WDR62: variants seen among roughly 807,000 people sequenced by gnomAD.
WDR62 encodes the protein WD repeat-containing protein 62.
Under a neutral mutation model 160.6 loss-of-function variants are expected in WDR62, and 112 were observed. The ratio of observed to expected loss-of-function variants is 0.70; its 90% confidence interval spans 0.60 to 0.82. WDR62 has a LOEUF of 0.82. WDR62 is among the 40% of genes least tolerant of loss of function. The pLI is 0.00. For missense variants in WDR62, 1,819 were observed against 1,983.8 expected (o/e 0.92, Z 1.58); for synonymous variants, 792 against 815.1 (o/e 0.97, Z 0.48).
intron 26 of WDR62, 137 bp downstream of exon 26, chr19:36,102,288 GTC>G: frequency 7.8e-7 from 1 of 1,289,402 alleles, no homozygotes; most frequent in Non-Finnish European, 1.1e-6. Context: ...TTGAGACGGA[GTC>G]TCGCTCTGTT....
chr19:36,108,853 CAAAAAAA>C (rs780896466), downstream of WDR62, among the ~76,000 whole-genome samples: 2 of 50,802 alleles, frequency 3.9e-5, no homozygotes. Context: ...GGCCCTGTCT[CAAAAAAA>C]AAAAAAAAAA....
At chr19:36,095,610 A>G (rs1246583876) in intron 20 of WDR62, among the ~76,000 whole-genome samples, 1 of 152,248 alleles carries the variant, frequency 6.6e-6, no homozygotes, top group African/African-American at 2.4e-5. Flanking sequence ...CCTGGCCAAC[A>G]TGGTGAAACC....
At position 36,103,023 on chromosome 19, in the gene WDR62, C is replaced by A. The variant is rs765013257; in HGVS notation, c.3411C>A (p.Gly1137=). 6.2e-7 allele frequency: 1 copy of A among 1,614,026 alleles called. No homozygotes were observed. Among genetic ancestry groups the A allele is most frequent in the Non-Finnish European group, 8.5e-7 (1 of 1,180,044 alleles). ...KSPEVKLMDR[G]GSQPRAGTGY... is the part of the protein sequence containing the mutation. ...CAGAGGTCAAGCTCATGGACCGAGGCGGAAGCCAGCCCAGAGCAGGTACTG... is the reference window on the plus strand; with the variant it reads ...CAGAGGTCAAGCTCATGGACCGAGGAGGAAGCCAGCCCAGAGCAGGTACTG... The change falls in exon 28 of 32, where the codon GGC becomes GGA. Residue 1137 remains glycine, a synonymous_variant. Transcript: ENST00000401500.
At chr19:36,061,643 C>G (rs1767059553) in intron 3 of WDR62, 1 of 152,112 alleles carries the variant, frequency 6.6e-6, no homozygotes, top group Admixed American at 6.5e-5. Context: ...AGTGGGTGGC[C>G]TGGATCTATA....
At chr19:36,055,187 T>G in intron 1 of WDR62, 39 bp downstream of exon 1, 1 of 1,573,532 alleles carries the variant, frequency 6.4e-7, no homozygotes, top group South Asian at 1.2e-5. Flanking sequence ...AGTTCCAGGC[T>G]TCCTAGGTTT....
intron 14 of WDR62, 23 bp from the exon 15 acceptor site, chr19:36,089,162 G>A (rs1367197776): frequency 1.9e-6 from 3 of 1,613,260 alleles, no homozygotes; most frequent in Non-Finnish European, 2.5e-6. Context: ...GGCATTCTCT[G>A]AAGGTCCTGC....
At chr19:36,081,987 G>T (rs1011154664) in intron 10 of WDR62, 17 of 374,536 alleles carry the variant, frequency 4.5e-5, no homozygotes, top group African/African-American at 3.6e-4. Flanking sequence ...CATGATGGGA[G>T]GCTGGGAAGA....
chr19:36,099,616 A>G lies in WDR62; in HGVS notation c.2738A>G (p.Glu913Gly). The G allele has an allele frequency of 6.2e-7, 1 of 1,614,018 alleles. No homozygotes were observed. The highest frequency in any genetic ancestry group is 1.1e-5 in the South Asian group (1 of 91,092). The stretch of plus-strand genomic sequence containing the variant: ...CAGAGCCTGGCCAGCCTGCTGAGTG[A>G]GGTACACACTTCCACCGCAGCCTGG... Reference protein sequence around the residue: ...EPQSLASLLSESESPQEAGRG... With the variant: ...EPQSLASLLSGSESPQEAGRG... Residue 913 changes from glutamate to glycine, a missense_variant and splice_region_variant, in exon 22 of 32, where the codon GAG becomes GGG. Glu to Gly is a moderately conservative substitution (Grantham distance 98). Coordinates refer to ENST00000401500, the MANE Select transcript of WDR62 (RefSeq NM_001083961.2).
intron 7 of WDR62, among the ~76,000 whole-genome samples, chr19:36,069,363 C>A (rs956545907): frequency 2.6e-5 from 4 of 151,910 alleles, no homozygotes; most frequent in African/African-American, 9.7e-5. Flanking sequence ...GGGTCGCGGC[C>A]GGGTAGAGGC....
chr19:36,091,415 C>G lies in WDR62; in HGVS notation c.2160C>G (p.Ser720Arg). 2 of 1,614,036 alleles carry G rather than the reference C, an allele frequency of 1.2e-6. No homozygotes were observed. The highest frequency in any genetic ancestry group is 1.7e-6 in the Non-Finnish European group (2 of 1,179,984). The change falls in exon 18 of 32, where the codon AGC becomes AGG. Residue 720 changes from serine to arginine, a missense_variant. Physicochemically the swap from Ser to Arg is moderately radical, Grantham distance 110. Coordinates refer to ENST00000401500, the MANE Select transcript of WDR62 (RefSeq NM_001083961.2). ...CTTTGTTTGCAGAAATTATTACCAG[C>G]ATGAAGTTCACCTATGACTGTCATC... Reference protein sequence around the residue: ...KMFGHSEIITSMKFTYDCHHL... With the variant: ...KMFGHSEIITRMKFTYDCHHL...
At chr19:36,092,611 G>A in intron 18 of WDR62, 78 bp from the exon 19 acceptor site, 2 of 1,596,356 alleles carry the variant, frequency 1.3e-6, no homozygotes, top group Non-Finnish European at 1.7e-6. Flanking sequence ...TGGTGTGGGT[G>A]GCTTCAGGGT....
At chr19:36,078,815 G>A (rs1320963492) in intron 9 of WDR62, among the ~76,000 whole-genome samples, 3 of 140,304 alleles carry the variant, frequency 2.1e-5, no homozygotes, top group Non-Finnish European at 3.0e-5. Context: ...CAGCCTGGGC[G>A]ACAGGGCGAG....
chr19:36,096,222 C>T (rs569780072), intron 20 of WDR62, among the ~76,000 whole-genome samples: 15 of 152,256 alleles, frequency 9.9e-5, no homozygotes, highest in Non-Finnish European at 1.8e-4. Flanking sequence ...TGTGGAGTAG[C>T]TGGGACCACA....
chr19:36,063,160 G>T (rs895469185), intron 3 of WDR62, among the ~76,000 whole-genome samples: 1 of 152,204 alleles, frequency 6.6e-6, no homozygotes, highest in African/African-American at 2.4e-5. Flanking sequence ...GGCCAGGATG[G>T]TCTCGATCTC....
intron 9 of WDR62, among the ~76,000 whole-genome samples, chr19:36,080,959 G>A (rs1971860432): frequency 6.6e-6 from 1 of 151,866 alleles, no homozygotes; most frequent in Non-Finnish European, 1.5e-5. Flanking sequence ...TTTTTGGTTT[G>A]TCTGTCTGTT....
chr19:36,092,729 T>A lies in WDR62; in HGVS notation c.2251T>A (p.Cys751Ser). The A allele has an allele frequency of 3.1e-6, 5 of 1,614,176 alleles. No homozygotes were observed. The highest frequency in any genetic ancestry group is 3.4e-6 in the Non-Finnish European group (4 of 1,180,018). Reference protein sequence around the residue: ...IWHLGPEITNCMKQHLLEIDH... With the variant: ...IWHLGPEITNSMKQHLLEIDH... ...GCACCTGGGCCCGGAGATCACCAACTGCATGAAGCAGCACTTGCTGGAGAT... is the reference window on the plus strand; with the variant it reads ...GCACCTGGGCCCGGAGATCACCAACAGCATGAAGCAGCACTTGCTGGAGAT... The change falls in exon 19 of 32, where the codon TGC becomes AGC. Residue 751 changes from cysteine (C) to serine (S), a missense_variant. Transcript: ENST00000401500.
chr19:36,081,503 AC>A lies in WDR62; in HGVS notation c.1305del (p.Asn435LysfsTer26). Reference sequence around the variant, plus strand: ...TCCTTTCTGACTTGTTCTTCAGACAACACCATTCGCTTCTGGAACTTGGACA... The same window carrying A: ...TCCTTTCTGACTTGTTCTTCAGACAAACCATTCGCTTCTGGAACTTGGACA... ...SGSFLTCSSD[N>X]TIRFWNLDSS... On this transcript the variant is annotated frameshift_variant, in exon 10 of 32. Transcript: ENST00000401500. LOFTEE classifies it high-confidence loss of function. 1 of 1,614,190 alleles carries A rather than the reference AC, an allele frequency of 6.2e-7. No homozygotes were observed.
At position 36,071,581 on chromosome 19, in the gene WDR62, T is replaced by A. The variant is rs761678528; in HGVS notation, c.908T>A (p.Val303Asp). 8.1e-6 allele frequency: 13 copies of A among 1,614,126 alleles called. No individual in the cohort carries two copies. The highest frequency in any genetic ancestry group is 2.2e-5 in the South Asian group (2 of 91,094). Reference sequence around the variant, plus strand: ...GTCTCCCTGTCTTCCTGCCTCTGTGTCAGCCAGGAGCTCATCTTCTGTGGC... The same window carrying A: ...GTCTCCCTGTCTTCCTGCCTCTGTGACAGCCAGGAGCTCATCTTCTGTGGC... ...LKVSLSSCLC[V>D]SQELIFCGCT... Residue 303 changes from valine to aspartate, a missense_variant, in exon 8 of 32, where the codon GTC (valine) becomes GAC (aspartate). Physicochemically the swap from Val to Asp is radical, Grantham distance 152. Around this residue, in one of 3 missense-constraint regions of WDR62, gnomAD observed 934 missense variants for 1,157.2 expected, o/e 0.81. Transcript: ENST00000401500.
At chr19:36,096,887 T>C (rs370677077) in intron 20 of WDR62, 140 bp from the exon 21 acceptor site, 9 of 771,952 alleles carry the variant, frequency 1.2e-5, no homozygotes, top group East Asian at 2.7e-5. Context: ...GGTTTAAGTT[T>C]GCATTTCCCT....
Sources: gnomAD v4.1 joint callset for allele counts (sites outside exome capture counted in the v4.1 genomes callset) on GRCh38, gnomAD v4.1.1 for gene constraint, gnomAD v4.1.1 regional missense constraint, MANE v1.5 for transcripts, NCBI Gene and HGNC (gene_info 2026-07-23, HGNC 2026-07-21) for gene names.